CDK15: variants seen among roughly 807,000 people sequenced by gnomAD.
CDK15 encodes the protein cyclin dependent kinase 15, also known as cyclin-dependent kinase 15.
Under a neutral mutation model 60.3 loss-of-function variants are expected in CDK15, and 62 were observed. That is an observed-to-expected ratio of 1.03 (90% CI 0.84 to 1.27). The LOEUF (loss-of-function observed/expected upper bound fraction) is 1.27. CDK15 is among the 50% of genes most tolerant of loss of function. The probability of loss-of-function intolerance (pLI) is 0.00; values close to 1 mark genes in which losing one functional copy is unlikely to be tolerated. For missense variants in CDK15, 541 were observed against 527.8 expected (o/e 1.03, Z -0.25); for synonymous variants, 194 against 195.7 (o/e 0.99, Z 0.07).
chr2:201,877,213 CT>C (rs1699110728), intron 11 of CDK15, among the ~76,000 whole-genome samples: 1 of 152,158 alleles, frequency 6.6e-6, no homozygotes, highest in Non-Finnish European at 1.5e-5. Context: ...AACAATATGC[CT>C]GCCATGCTAA....
chr2:201,832,293 G>A (rs548380115), intron 6 of CDK15, among the ~76,000 whole-genome samples: 1 of 152,162 alleles, frequency 6.6e-6, no homozygotes, highest in Non-Finnish European at 1.5e-5. Flanking sequence ...TGATCCGCTC[G>A]CTTTGGTCTT....
chr2:201,853,475 A>T (rs998274744), intron 9 of CDK15, among the ~76,000 whole-genome samples: 3 of 152,176 alleles, frequency 2.0e-5, no homozygotes, highest in African/African-American at 4.8e-5. Context: ...CATTGATTAT[A>T]TTCAGTCATT....
chr2:201,829,256 C>T (rs2105728736), intron 6 of CDK15, among the ~76,000 whole-genome samples: 1 of 152,246 alleles, frequency 6.6e-6, no homozygotes, highest in African/African-American at 2.4e-5. Context: ...TCTCCCCCTA[C>T]TCACACAGAA....
chr2:201,818,968 AC>A lies in CDK15; in HGVS notation c.449-3840del, dbSNP rs1226184560. Among the ~76,000 whole-genome samples the A allele has an allele frequency of 1.4e-4, 11 of 79,742 alleles. 1 individual carries two copies. Among genetic ancestry groups the A allele is most frequent in the African/African-American group, 5.3e-4 (9 of 16,826 alleles). 52.3% of individuals were successfully genotyped at this position (79,742 alleles called of 152,430 possible). ...GAGTATATAGCAATAAGCAAAAAAA[AC>A]AAAACAAAACAAAACAAAAGTGCCC... On this transcript the variant is annotated intron_variant, in intron 4 of 13. Coordinates refer to ENST00000652192, the MANE Select transcript of CDK15 (RefSeq NM_001366386.2).
At chr2:201,891,071 C>A (rs923097331) in intron 13 of CDK15, 144 bp downstream of exon 13, 52 of 482,064 alleles carry the variant, frequency 1.1e-4, no homozygotes, top group African/African-American at 8.9e-4. Context: ...GGTGGCCTTG[C>A]CTCTTCAGGC....
chr2:201,813,758 T>A (rs1005714817), intron 4 of CDK15, among the ~76,000 whole-genome samples: 1 of 152,034 alleles, frequency 6.6e-6, no homozygotes, highest in Non-Finnish European at 1.5e-5. Flanking sequence ...AGAAAATGAG[T>A]TTATAACTGA....
intron 6 of CDK15, among the ~76,000 whole-genome samples, chr2:201,828,059 G>C (rs1424716707): frequency 6.6e-6 from 1 of 152,180 alleles, no homozygotes; most frequent in African/African-American, 2.4e-5. Flanking sequence ...AAAAGGATGG[G>C]GCCAAACATA....
intron 8 of CDK15, 22 bp from the exon 9 acceptor site, chr2:201,847,359 T>G: frequency 1.3e-6 from 2 of 1,599,798 alleles, no homozygotes; most frequent in Non-Finnish European, 1.7e-6. Flanking sequence ...AAGTGTCAAT[T>G]TACTCTTATT....
intron 3 of CDK15, among the ~76,000 whole-genome samples, chr2:201,809,233 C>T (rs755516327): frequency 9.9e-5 from 15 of 152,224 alleles, no homozygotes; most frequent in Non-Finnish European, 1.9e-4. Flanking sequence ...ACATGGGCAC[C>T]ATGGACACTT....
chr2:201,838,143 A>G (rs1697207280), intron 8 of CDK15, among the ~76,000 whole-genome samples: 1 of 152,138 alleles, frequency 6.6e-6, no homozygotes, highest in Non-Finnish European at 1.5e-5. Flanking sequence ...AAAACATTCA[A>G]GAGTATATAT....
chr2:201,869,048 T>C (rs1698749209), intron 10 of CDK15, among the ~76,000 whole-genome samples: 1 of 152,168 alleles, frequency 6.6e-6, no homozygotes, highest in South Asian at 2.1e-4. Context: ...CAAAGGATTA[T>C]AAATCATGCT....
At chr2:201,841,003 C>T (rs1289148646) in intron 8 of CDK15, among the ~76,000 whole-genome samples, 1 of 152,154 alleles carries the variant, frequency 6.6e-6, no homozygotes, top group Non-Finnish European at 1.5e-5. Context: ...GACTATTAGA[C>T]CACATTCTTC....
chr2:201,888,031 AC>A (rs1289663069), intron 12 of CDK15, among the ~76,000 whole-genome samples: 6 of 126,998 alleles, frequency 4.7e-5, no homozygotes, highest in African/African-American at 8.9e-5. Flanking sequence ...TTAATTTTCA[AC>A]CTTTTTTTTT....
chr2:201,847,371 C>G lies in CDK15; in HGVS notation c.852-10C>G. On this transcript the variant is annotated splice_polypyrimidine_tract_variant and intron_variant, in intron 8 of 13. Coordinates refer to ENST00000652192, the MANE Select transcript of CDK15 (RefSeq NM_001366386.2). Reference sequence around the variant, plus strand: ...TCAAAGTGTCAATTTACTCTTATTTCATTTGCTAGGGGTGCAGGCTGCATC... The same window carrying G: ...TCAAAGTGTCAATTTACTCTTATTTGATTTGCTAGGGGTGCAGGCTGCATC... 6.2e-7 allele frequency: 1 copy of G among 1,610,148 alleles called. No individual in the cohort carries two copies. Among genetic ancestry groups the G allele is most frequent in the East Asian group, 2.2e-5 (1 of 44,820 alleles).
At chr2:201,827,360 G>A (rs562040819) in intron 6 of CDK15, among the ~76,000 whole-genome samples, 55 of 152,252 alleles carry the variant, frequency 3.6e-4, no homozygotes, top group Admixed American at 1.4e-3. Context: ...TGGGTGGATC[G>A]CTTGAGCACA....
At chr2:201,857,713 C>T (rs1698205127) in intron 10 of CDK15, among the ~76,000 whole-genome samples, 1 of 152,192 alleles carries the variant, frequency 6.6e-6, no homozygotes, top group Non-Finnish European at 1.5e-5. Flanking sequence ...TCCAGCCTAT[C>T]TTGGGCCATG....
At chr2:201,815,633 T>C (rs1410005424) in intron 4 of CDK15, among the ~76,000 whole-genome samples, 1 of 152,258 alleles carries the variant, frequency 6.6e-6, no homozygotes, top group Non-Finnish European at 1.5e-5. Context: ...ACAACATTTC[T>C]TAGTTTTATG....
chr2:201,826,390 G>A (rs1372230278), intron 6 of CDK15, among the ~76,000 whole-genome samples: 1 of 144,410 alleles, frequency 6.9e-6, no homozygotes, highest in African/African-American at 2.6e-5. Flanking sequence ...AACCCGGGAG[G>A]TAGAGTTTGC....
chr2:201,823,651 G>T lies in CDK15; in HGVS notation c.544-14G>T, dbSNP rs377517876. Reference sequence around the variant, plus strand: ...TAAATTCACTCACTTCTCTTTCTCCGCTGTTTTATTTAGCACACAGACCTG... The same window carrying T: ...TAAATTCACTCACTTCTCTTTCTCCTCTGTTTTATTTAGCACACAGACCTG... On this transcript the variant is annotated splice_polypyrimidine_tract_variant and intron_variant, in intron 5 of 13. Transcript: ENST00000652192. The T allele has an allele frequency of 6.2e-6, 10 of 1,612,136 alleles. No homozygotes were observed. Among genetic ancestry groups the T allele is most frequent in the Admixed American group, 1.7e-5 (1 of 59,990 alleles).
Sources: gnomAD v4.1 joint callset for allele counts (sites outside exome capture counted in the v4.1 genomes callset) on GRCh38, gnomAD v4.1.1 for gene constraint, MANE v1.5 for transcripts, NCBI Gene and HGNC (gene_info 2026-07-23, HGNC 2026-07-21) for gene names.